PTRH1: variants seen among roughly 807,000 people sequenced by gnomAD.
The protein encoded by PTRH1 is peptidyl-tRNA hydrolase.
Under a neutral mutation model 15.7 loss-of-function variants are expected in PTRH1, and 13 were observed. That is an observed-to-expected ratio of 0.83 (90% CI 0.54 to 1.31). The LOEUF (loss-of-function observed/expected upper bound fraction) is 1.31, where lower values mean the gene tolerates loss of function less well. Among genes scored for constraint, PTRH1 ranks in the 40% most tolerant of loss-of-function variants. PTRH1 has a pLI of 0.00. For synonymous variants in PTRH1, 139 were observed against 136.7 expected, an observed-to-expected ratio of 1.02 and a Z score of -0.12; for missense variants, 319 against 296.2, an observed-to-expected ratio of 1.08 and a Z score of -0.56.
At chr9:127,694,844 G>A (rs1842542583) in intron 2 of PTRH1, 2 of 615,556 alleles carry the variant, frequency 3.2e-6, no homozygotes, top group East Asian at 2.8e-5. Flanking sequence ...ACTTTTAGCA[G>A]TGGCCTGTGG....
At chr9:127,706,919 G>A in intron 1 of PTRH1, 1 of 1,303,296 alleles carries the variant, frequency 7.7e-7, no homozygotes, top group Non-Finnish European at 1.1e-6. Flanking sequence ...GAAGAGGGCA[G>A]GGTCCCTTTA....
At chr9:127,698,010 G>A (rs1842575355) in intron 1 of PTRH1, among the ~76,000 whole-genome samples, 1 of 152,210 alleles carries the variant, frequency 6.6e-6, no homozygotes, top group Admixed American at 6.5e-5. Flanking sequence ...CAGTCTCAGA[G>A]TGGGAAAAAA....
downstream of PTRH1, chr9:127,712,110 T>C: frequency 1.3e-6 from 2 of 1,551,506 alleles, no homozygotes; most frequent in South Asian, 1.2e-5. Context: ...CCCTGTGGGC[T>C]TGGAGAGAAA....
chr9:127,714,483 T>G, intron 3 of PTRH1, 59 bp from the exon 4 acceptor site: 1 of 1,606,858 alleles, frequency 6.2e-7, no homozygotes, highest in Non-Finnish European at 8.5e-7. Flanking sequence ...CTTCCACCCC[T>G]CCCTGCCCCG....
At chr9:127,710,294 A>AC (rs1170683095), downstream of PTRH1, among the ~76,000 whole-genome samples, 30 of 151,228 alleles carry the variant, frequency 2.0e-4, no homozygotes, top group African/African-American at 6.6e-4. Context: ...AAAAAAAAAA[A>AC]AAAAACAAAA....
Position 127,715,447 on chromosome 9 carries a change from CAG to C in PTRH1, c.96+95_96+96del. On this transcript the variant is annotated intron_variant, in intron 1 of 4. Coordinates refer to ENST00000543175, the MANE Select transcript of PTRH1 (RefSeq NM_001002913.3). The surrounding 1 kb of genome is among the most constrained non-coding windows in gnomAD (Gnocchi z 5.8). ...GCACTGAACTCACCAGTTAAGAAAA[CAG>C]AGCAGCAATTTGGGGGCACTCGGCT... 6.5e-7 allele frequency: 1 copy of C among 1,543,046 alleles called. No individual in the cohort carries two copies. The highest frequency in any genetic ancestry group is 8.9e-7 in the Non-Finnish European group (1 of 1,128,406).
intron 2 of PTRH1, 30 bp downstream of exon 2, chr9:127,714,945 G>GC: frequency 2.9e-6 from 1 of 345,142 alleles, no homozygotes; most frequent in Non-Finnish European, 4.6e-6. Flanking sequence ...CCCTTGGCCC[G>GC]CCCGCCCACC....
intron 1 of PTRH1, among the ~76,000 whole-genome samples, chr9:127,698,662 G>A (rs1484884774): frequency 6.6e-6 from 1 of 152,226 alleles, no homozygotes; most frequent in African/African-American, 2.4e-5. Flanking sequence ...GGGCAACAGA[G>A]TGAGACCCTG....
chr9:127,700,905 CT>C (rs1346562949), intron 1 of PTRH1, among the ~76,000 whole-genome samples: 2 of 152,230 alleles, frequency 1.3e-5, no homozygotes, highest in Non-Finnish European at 2.9e-5. Flanking sequence ...TGAACTGGCT[CT>C]GGCCAATTTA....
At chr9:127,695,791 C>T (rs1204153091) in intron 1 of PTRH1, 1 of 152,194 alleles carries the variant, frequency 6.6e-6, no homozygotes, top group Non-Finnish European at 1.5e-5. Flanking sequence ...CCCGTAGTAA[C>T]CGTGGCAAAC....
chr9:127,714,918 GCGCCCCAACCCCCACCCCCTTGGCCCGCC>G, intron 2 of PTRH1, 28 bp downstream of exon 2: 3 of 398,844 alleles, frequency 7.5e-6, no homozygotes, highest in Non-Finnish European at 1.4e-5. Flanking sequence ...TCTGGCCCCC[GCGCCCCAACCCCCACCCCCTTGGCCCGCC>G]CGCCCACCCC....
intron 2 of PTRH1, among the ~76,000 whole-genome samples, chr9:127,694,662 A>G (rs1350901344): frequency 6.6e-6 from 1 of 152,066 alleles, no homozygotes; most frequent in East Asian, 1.9e-4. Context: ...AGGTGGGTGC[A>G]CAGGCCCCCA....
intron 1 of PTRH1, among the ~76,000 whole-genome samples, chr9:127,703,497 GAGAA>G (rs748816340): frequency 3.3e-5 from 5 of 152,106 alleles, no homozygotes; most frequent in South Asian, 2.1e-4. Context: ...GAGAGAGAAA[GAGAA>G]AGAGTCAATT....
chr9:127,708,440 G>A (rs1842694557), intron 1 of PTRH1, among the ~76,000 whole-genome samples: 1 of 152,104 alleles, frequency 6.6e-6, no homozygotes, highest in South Asian at 2.1e-4. Context: ...TCGTGCCACT[G>A]CACTCCAACC....
chr9:127,707,159 T>C, intron 1 of PTRH1: 1 of 1,613,372 alleles, frequency 6.2e-7, no homozygotes, highest in East Asian at 2.2e-5. Context: ...TTCTACCACA[T>C]CCAGATCCGA....
rs1168928533 is a variant in PTRH1 at position 127,715,636 on chromosome 9, TCATGCTGCCC to T, written c.-7_3del. 1 of 1,611,612 alleles carries T rather than the reference TCATGCTGCCC, an allele frequency of 6.2e-7. No homozygotes were observed. Among genetic ancestry groups the T allele is most frequent in the Non-Finnish European group, 8.5e-7 (1 of 1,179,762 alleles). The stretch of plus-strand genomic sequence containing the variant: ...CCGGCGCCCAAAAAGCCGCCCGGCC[TCATGCTGCCC>T]CCATTCACTCCGACACCGCCCCCTG... On this transcript the variant is annotated start_lost and 5_prime_UTR_variant, in exon 1 of 5. Transcript: ENST00000543175. The surrounding 1 kb of genome is among the most constrained non-coding windows in gnomAD (Gnocchi z 5.8).
In PTRH1 at chr9:127,713,855, A is replaced by T; in HGVS notation, c.*245T>A. 6.2e-7 allele frequency: 1 copy of T among 1,613,888 alleles called. No homozygotes were observed. ...ACAGATGCGTGCCCCTGGTTCTCTAAAAAGGCTTGAAAAGTTTAGTCTTCC... is the reference window on the plus strand; with the variant it reads ...ACAGATGCGTGCCCCTGGTTCTCTATAAAGGCTTGAAAAGTTTAGTCTTCC... On this transcript the variant is annotated 3_prime_UTR_variant, in exon 5 of 5. Transcript: ENST00000543175.
intron 1 of PTRH1, among the ~76,000 whole-genome samples, chr9:127,698,907 T>A (rs1206888350): frequency 7.6e-6 from 1 of 131,376 alleles, no homozygotes; most frequent in East Asian, 2.2e-4. Context: ...AAGACCAACT[T>A]TTTTTTTTTT....
intron 1 of PTRH1, among the ~76,000 whole-genome samples, chr9:127,696,730 T>A (rs1842563975): frequency 6.6e-6 from 1 of 151,988 alleles, no homozygotes; most frequent in Non-Finnish European, 1.5e-5. Flanking sequence ...GGCGTGGTGG[T>A]GGACACCTGT....
Sources: allele counts gnomAD v4.1 joint callset (sites outside exome capture counted in the v4.1 genomes callset), GRCh38; gene constraint gnomAD v4.1.1; non-coding constraint Gnocchi (gnomAD v3.1); transcripts MANE v1.5; gene names NCBI Gene and HGNC (gene_info 2026-07-23, HGNC 2026-07-21).